Variants in NAV2 observed in about 807,000 individuals in gnomAD.
The protein encoded by NAV2 is neuron navigator 2.
In NAV2, 54 loss-of-function variants were observed where a neutral mutation model predicts 223.2. The ratio of observed to expected loss-of-function variants is 0.24; its 90% CI spans 0.19 to 0.30. The LOEUF (loss-of-function observed/expected upper bound fraction) is 0.30, where lower values mean the gene tolerates loss of function less well. Among genes scored for constraint, NAV2 ranks in the 10% least tolerant of loss-of-function variants. NAV2 has a pLI of 1.00. For synonymous variants in NAV2, 1,279 were observed against 1,239.3 expected, an observed-to-expected ratio of 1.03 and a Z score of -0.67; for missense variants, 2,806 against 3,147.5, an observed-to-expected ratio of 0.89 and a Z score of 2.60.
intron 3 of NAV2, among the ~76,000 whole-genome samples, chr11:19,860,575 C>T (rs1276001809): frequency 4.6e-5 from 7 of 150,968 alleles, no homozygotes; most frequent in East Asian, 2.0e-4. Context: ...GGGCTCCTCA[C>T]ATCCCAGACG....
chr11:19,981,853 A>G (rs895676929), intron 10 of NAV2, among the ~76,000 whole-genome samples: 8 of 152,216 alleles, frequency 5.3e-5, no homozygotes, highest in Non-Finnish European at 1.2e-4. Flanking sequence ...TGGCAGATCG[A>G]CAGTTTAATT....
At chr11:19,757,179 C>T (rs1178675259) in intron 1 of NAV2, among the ~76,000 whole-genome samples, 1 of 152,124 alleles carries the variant, frequency 6.6e-6, no homozygotes, top group Non-Finnish European at 1.5e-5. Flanking sequence ...TGAGAGAGCA[C>T]CAGAACCTTG....
intron 1 of NAV2, among the ~76,000 whole-genome samples, chr11:19,683,594 C>G (rs896729622): frequency 5.9e-5 from 9 of 152,260 alleles, no homozygotes; most frequent in Non-Finnish European, 1.2e-4. Flanking sequence ...CTTGGAGCAC[C>G]TTGGCAAGGA....
chr11:19,426,044 C>G (rs149484957), intron 1 of NAV2, among the ~76,000 whole-genome samples: 2 of 152,112 alleles, frequency 1.3e-5, no homozygotes, highest in Non-Finnish European at 2.9e-5. Flanking sequence ...CCTGAAGTTG[C>G]GCTGTTTCAG....
chr11:20,054,904 A>G (rs1355068444), intron 18 of NAV2, among the ~76,000 whole-genome samples: 1 of 152,234 alleles, frequency 6.6e-6, no homozygotes, highest in Admixed American at 6.5e-5. Context: ...AGAGCTTTAT[A>G]TGAAATCATG....
At chr11:19,348,832 G>T (rs1853136295), upstream of NAV2, among the ~76,000 whole-genome samples, 1 of 152,196 alleles carries the variant, frequency 6.6e-6, no homozygotes, top group Non-Finnish European at 1.5e-5. Context: ...ACAAGAAGCT[G>T]CAGTGTTGAG....
chr11:19,491,955 AAGAGAGAGAGAGAGAGAGAG>A (rs150403869), intron 1 of NAV2, among the ~76,000 whole-genome samples: 61 of 120,952 alleles, frequency 5.0e-4, no homozygotes, highest in Non-Finnish European at 9.9e-4. Context: ...GGGAGACTCA[AAGAGAGAGAGAGAGAGAGAG>A]AGAGAGAGAG....
intron 1 of NAV2, among the ~76,000 whole-genome samples, chr11:19,810,011 A>G (rs1368709759): frequency 2.0e-5 from 3 of 151,986 alleles, no homozygotes; most frequent in Non-Finnish European, 4.4e-5. Flanking sequence ...CCTTTTTTCC[A>G]TGTTTTACTC....
At chr11:19,475,985 T>C (rs956673910) in intron 1 of NAV2, among the ~76,000 whole-genome samples, 12 of 151,992 alleles carry the variant, frequency 7.9e-5, no homozygotes, top group African/African-American at 1.9e-4. Flanking sequence ...ATGCCATTCT[T>C]TTTTTTTGAG....
chr11:20,115,661 CGG>C (rs1297625907), intron 37 of NAV2, among the ~76,000 whole-genome samples: 1 of 145,818 alleles, frequency 6.9e-6, no homozygotes, highest in African/African-American at 2.5e-5. Flanking sequence ...AAAAAGCACC[CGG>C]GCTGGGTGTG....
chr11:19,350,866 G>A, exon 1 of NAV2: 2 of 1,307,000 alleles, frequency 1.5e-6, no homozygotes. Context: ...TCTGGCTGTT[G>A]CATGCATCAC....
intron 1 of NAV2, among the ~76,000 whole-genome samples, chr11:19,431,628 T>G (rs1444383772): frequency 6.6e-6 from 1 of 152,202 alleles, no homozygotes; most frequent in Admixed American, 6.5e-5. Flanking sequence ...CTGATAGGGC[T>G]GTAAGGAACC....
At chr11:19,456,977 C>A (rs1426860158) in intron 1 of NAV2, among the ~76,000 whole-genome samples, 2 of 152,164 alleles carry the variant, frequency 1.3e-5, no homozygotes, top group East Asian at 3.9e-4. Flanking sequence ...TCTTAGGACT[C>A]GGCTCTTCTG....
chr11:19,385,633 C>T (rs1564895179), intron 1 of NAV2, among the ~76,000 whole-genome samples: 1 of 152,132 alleles, frequency 6.6e-6, no homozygotes. Flanking sequence ...TTTTTAACCT[C>T]TTGCCTTTGC....
chr11:20,021,650 C>G (rs2054520171), intron 11 of NAV2, among the ~76,000 whole-genome samples: 1 of 152,146 alleles, frequency 6.6e-6, no homozygotes, highest in Non-Finnish European at 1.5e-5. Context: ...CTTAATATAT[C>G]TGGACACTAC....
intron 1 of NAV2, among the ~76,000 whole-genome samples, chr11:19,369,396 C>A (rs565483836): frequency 1.2e-4 from 19 of 152,298 alleles, no homozygotes; most frequent in African/African-American, 4.6e-4. Context: ...ACCACAACTT[C>A]ATTTCTGCCT....
chr11:19,844,443 G>A (rs1477039238), intron 3 of NAV2, among the ~76,000 whole-genome samples: 1 of 152,134 alleles, frequency 6.6e-6, no homozygotes, highest in Non-Finnish European at 1.5e-5. Flanking sequence ...CTACTTCCAA[G>A]CTTATACAGA....
intron 1 of NAV2, among the ~76,000 whole-genome samples, chr11:19,652,843 A>G (rs1167571994): frequency 6.6e-6 from 1 of 152,240 alleles, no homozygotes; most frequent in Non-Finnish European, 1.5e-5. Flanking sequence ...TTTCCATGGC[A>G]GCACATAAAT....
intron 1 of NAV2, among the ~76,000 whole-genome samples, chr11:19,475,700 C>T (rs1357744720): frequency 1.3e-5 from 2 of 152,180 alleles, no homozygotes; most frequent in East Asian, 3.9e-4. Flanking sequence ...GTGCCTAGTG[C>T]TTGGCCATCC....
Sources: allele counts gnomAD v4.1 joint callset (sites outside exome capture counted in the v4.1 genomes callset), GRCh38; gene constraint gnomAD v4.1.1; transcripts MANE v1.5; gene names NCBI Gene and HGNC (gene_info 2026-07-23, HGNC 2026-07-21).